The following OPCML variants were observed in gnomAD, a reference collection of about 807,000 sequenced individuals.
The protein encoded by OPCML is opioid-binding protein/cell adhesion molecule.
A neutral mutation model predicts 37.8 loss-of-function variants in OPCML; 13 were observed. That is an observed-to-expected ratio of 0.34 (90% CI 0.22 to 0.55). The LOEUF (loss-of-function observed/expected upper bound fraction) is 0.55. Among genes scored for constraint, OPCML ranks in the 20% least tolerant of loss-of-function variants. The pLI is 0.91. For missense variants in OPCML, 341 were observed against 435.6 expected (o/e 0.78, Z 1.93); for synonymous variants, 176 against 168.8 (o/e 1.04, Z -0.33).
At chr11:133,264,173 G>T (rs1481362045) in intron 1 of OPCML, among the ~76,000 whole-genome samples, 1 of 152,100 alleles carries the variant, frequency 6.6e-6, no homozygotes, top group African/African-American at 2.4e-5. Context: ...GAAACAAGAA[G>T]AATAAGAATA....
At chr11:132,485,299 G>A (rs1435613898) in intron 4 of OPCML, among the ~76,000 whole-genome samples, 1 of 152,162 alleles carries the variant, frequency 6.6e-6, no homozygotes. Context: ...TGGGGCAGGA[G>A]CTAACAGGTC....
intron 1 of OPCML, among the ~76,000 whole-genome samples, chr11:133,317,840 C>A (rs571573928): frequency 6.6e-6 from 1 of 152,186 alleles, no homozygotes; most frequent in African/African-American, 2.4e-5. Flanking sequence ...CCAGTGGTAG[C>A]GTGTTAGCCT....
rs571394975 is a variant in OPCML at position 132,931,215 on chromosome 11, T to A, written c.146+11711A>T. On this transcript the variant is annotated intron_variant, in intron 2 of 7. Transcript: ENST00000524381. Reference sequence around the variant, plus strand: ...TAAGAGCTAAAACTATTAAAAAAAATTTTAAGATAGGAAAAAAGCTTCATG... The same window carrying A: ...TAAGAGCTAAAACTATTAAAAAAAAATTTAAGATAGGAAAAAAGCTTCATG... Among the ~76,000 whole-genome samples, 51 of 150,872 alleles carry A rather than the reference T, an allele frequency of 3.4e-4. 3 individuals are homozygous for A. In the South Asian group the frequency reaches 8.1e-3, roughly 24 times the overall value.
chr11:132,433,755 C>G (rs2096004926), intron 7 of OPCML, among the ~76,000 whole-genome samples: 1 of 152,220 alleles, frequency 6.6e-6, no homozygotes, highest in Non-Finnish European at 1.5e-5. Context: ...AAAGCTCCCT[C>G]TCTCTCTTTT....
At chr11:133,496,709 G>T (rs577120764) in intron 1 of OPCML, among the ~76,000 whole-genome samples, 1 of 152,190 alleles carries the variant, frequency 6.6e-6, no homozygotes, top group Non-Finnish European at 1.5e-5. Context: ...CTTGGTCACT[G>T]TTGGTATATA....
At chr11:132,626,296 A>G (rs558985894) in intron 3 of OPCML, among the ~76,000 whole-genome samples, 1 of 152,112 alleles carries the variant, frequency 6.6e-6, no homozygotes, top group South Asian at 2.1e-4. Context: ...CAGGTGTTGC[A>G]GGCATGGACC....
At chr11:133,433,510 C>T (rs1946169742) in intron 1 of OPCML, among the ~76,000 whole-genome samples, 1 of 152,088 alleles carries the variant, frequency 6.6e-6, no homozygotes, top group African/African-American at 2.4e-5. Flanking sequence ...GAAATGTTAG[C>T]GGTGCCTGCG....
intron 1 of OPCML, among the ~76,000 whole-genome samples, chr11:133,122,526 G>A (rs142400878): frequency 3.9e-5 from 6 of 152,082 alleles, no homozygotes; most frequent in Non-Finnish European, 8.8e-5. Context: ...ACATCCTCCT[G>A]GGTGCTTAGA....
At chr11:133,098,770 A>AT (rs976781635) in intron 1 of OPCML, among the ~76,000 whole-genome samples, 3 of 152,194 alleles carry the variant, frequency 2.0e-5, no homozygotes, top group Non-Finnish European at 4.4e-5. Flanking sequence ...TAAGTCAGAG[A>AT]TGTTTCCTCT....
At chr11:133,361,951 C>A (rs1470864852) in intron 1 of OPCML, 2 of 152,476 alleles carry the variant, frequency 1.3e-5, no homozygotes, top group African/African-American at 2.4e-5. Context: ...GACAGAGCAA[C>A]CACCATGCCG....
chr11:132,740,068 T>C (rs1402251616), intron 2 of OPCML, among the ~76,000 whole-genome samples: 2 of 152,150 alleles, frequency 1.3e-5, no homozygotes, highest in East Asian at 3.9e-4. Flanking sequence ...CACTTCTAAA[T>C]GTGCATATTG....
chr11:132,853,253 C>T (rs1057357738), intron 2 of OPCML, among the ~76,000 whole-genome samples: 8 of 152,162 alleles, frequency 5.3e-5, no homozygotes, highest in Admixed American at 1.3e-4. Context: ...CATGACTTGA[C>T]GGCTTTCTAA....
At chr11:133,221,525 A>G (rs1459198276) in intron 1 of OPCML, among the ~76,000 whole-genome samples, 3 of 152,178 alleles carry the variant, frequency 2.0e-5, no homozygotes, top group Non-Finnish European at 4.4e-5. Context: ...GGTGGGGGGT[A>G]TTCGGAAACG....
At chr11:132,604,400 T>A (rs1156812662) in intron 3 of OPCML, among the ~76,000 whole-genome samples, 1 of 152,140 alleles carries the variant, frequency 6.6e-6, no homozygotes, top group Non-Finnish European at 1.5e-5. Flanking sequence ...AGATTCAGTG[T>A]GGAGTTCTTC....
chr11:132,738,403 C>T (rs1183073808), intron 2 of OPCML, among the ~76,000 whole-genome samples: 1 of 152,238 alleles, frequency 6.6e-6, no homozygotes, highest in Non-Finnish European at 1.5e-5. Flanking sequence ...CCCTGCTTCA[C>T]TCATACACAC....
intron 2 of OPCML, among the ~76,000 whole-genome samples, chr11:132,760,906 T>C (rs1379294978): frequency 6.6e-6 from 1 of 152,316 alleles, no homozygotes; most frequent in African/African-American, 2.4e-5. Flanking sequence ...ATGGCCTTTA[T>C]ATTTTGGTAT....
intron 1 of OPCML, among the ~76,000 whole-genome samples, chr11:133,098,467 A>C (rs554846092): frequency 4.6e-5 from 7 of 152,204 alleles, no homozygotes; most frequent in African/African-American, 1.7e-4. Context: ...CGCTCGCCTC[A>C]GCCTCCCAAA....
intron 1 of OPCML, among the ~76,000 whole-genome samples, chr11:133,091,175 C>A (rs1385789793): frequency 6.6e-6 from 1 of 152,178 alleles, no homozygotes; most frequent in Non-Finnish European, 1.5e-5. Flanking sequence ...CACAAGTGGT[C>A]AGCTTTGGTG....
At chr11:133,403,771 AACAG>A (rs1346566154) in intron 1 of OPCML, among the ~76,000 whole-genome samples, 3 of 152,220 alleles carry the variant, frequency 2.0e-5, no homozygotes, top group East Asian at 1.9e-4. Flanking sequence ...TGGTACATAG[AACAG>A]ACAAATTCTA....
Sources: gnomAD v4.1 joint callset for allele counts (sites outside exome capture counted in the v4.1 genomes callset) on GRCh38, gnomAD v4.1.1 for gene constraint, MANE v1.5 for transcripts, NCBI Gene and HGNC (gene_info 2026-07-23, HGNC 2026-07-21) for gene names.